The following ZXDC variants were observed in gnomAD, a reference collection of about 807,000 sequenced individuals.
ZXDC encodes the protein ZXD family zinc finger C.
A neutral mutation model predicts 63.6 loss-of-function variants in ZXDC; 58 were observed. The observed-to-expected ratio is 0.91, with a 90% confidence interval of 0.74 to 1.13. ZXDC has a LOEUF of 1.13. Ranked by LOEUF, ZXDC falls within the 50% of genes most tolerant of loss-of-function variation. The pLI is 0.00. For synonymous variants in ZXDC, 561 were observed against 496.1 expected, an observed-to-expected ratio of 1.13 and a Z score of -1.74; for missense variants, 1,133 against 1,148.9, an observed-to-expected ratio of 0.99 and a Z score of 0.20.
chr3:126,455,021 C>G, intron 7 of ZXDC: 1 of 985,430 alleles, frequency 1.0e-6, no homozygotes, highest in South Asian at 4.7e-5. Flanking sequence ...TGCACAACAG[C>G]GAAGTCTTGA....
Position 126,441,942 on chromosome 3 carries a change from G to T in ZXDC, c.2217C>A (p.Ala739=), listed in dbSNP as rs760990765. 5.0e-6 allele frequency: 8 copies of T among 1,595,036 alleles called. No individual in the cohort carries two copies. In the South Asian group the frequency reaches 9.0e-5, roughly 18 times the overall value. The change falls in exon 8 of 10, where the codon GCC becomes GCA. Residue 739 remains alanine (A), a synonymous_variant. Coordinates refer to ENST00000389709, the MANE Select transcript of ZXDC (RefSeq NM_025112.5). ...TTATTTTTCTCTGAGTAGACTGTGA[G>T]GCTCCTAAAATGAAATATAAAAACG... ...KQRGAGSNAG[A]SQSTQRKIKE...
intron 7 of ZXDC, among the ~76,000 whole-genome samples, chr3:126,456,729 A>G (rs982391682): frequency 2.0e-5 from 3 of 152,212 alleles, no homozygotes; most frequent in Admixed American, 2.0e-4. Flanking sequence ...AGGACCCCCA[A>G]GCTTGCAGTT....
At chr3:126,466,413 C>G (rs1934768441) in intron 4 of ZXDC, 88 bp from the exon 5 acceptor site, 2 of 1,490,490 alleles carry the variant, frequency 1.3e-6, no homozygotes, top group Non-Finnish European at 1.8e-6. Context: ...TCAGAACCAC[C>G]AGACCTGCAT....
intron 4 of ZXDC, among the ~76,000 whole-genome samples, chr3:126,467,906 T>C (rs771738266): frequency 7.2e-5 from 11 of 152,228 alleles, no homozygotes; most frequent in Admixed American, 6.5e-5. Context: ...TTGCACACTC[T>C]TGCCAGCACT....
Position 126,475,695 on chromosome 3 carries a change from C to G in ZXDC, c.171G>C (p.Glu57Asp), listed in dbSNP as rs780052221. 3.1e-6 allele frequency: 4 copies of G among 1,306,738 alleles called. No individual in the cohort carries two copies. The highest frequency in any genetic ancestry group is 1.9e-5 in the South Asian group (1 of 52,404). The allele number at this position is 1,306,738 out of a possible 1,614,324, so 80.9% of individuals were successfully genotyped here. ...EDGGPGARPG[E>D]ASGPSPPPAE... is the part of the protein sequence containing the mutation. ...CGGGCGGCGGGCTTGGCCCGGAGGC[C>G]TCCCCGGGCCGCGCCCCGGGCCCGC... Residue 57 changes from glutamate to aspartate, a missense_variant, in exon 1 of 10, where the codon GAG becomes GAC. Physicochemically the swap from Glu to Asp is conservative, Grantham distance 45. Transcript: ENST00000389709.
chr3:126,438,590 G>T, intron 9 of ZXDC, 129 bp from the exon 10 acceptor site: 1 of 724,960 alleles, frequency 1.4e-6, no homozygotes. Flanking sequence ...AAAACTACAG[G>T]CTCCCCTTAT....
rs547554890 is a variant in ZXDC, at chr3:126,466,163, C to T, written c.1433G>A (p.Arg478Gln). ...CCGTGGAAAGTGCAGACCTTGGCGC[C>T]GGCTGTGCTGTCTGACCATGTGCGC... Reference protein sequence around the residue: ...MKAHMVRQHSRRQDLLPQLEA... With the variant: ...MKAHMVRQHSQRQDLLPQLEA... Residue 478 changes from arginine to glutamine, a missense_variant, in exon 5 of 10, where the codon CGG becomes CAG. Physicochemically the swap from Arg to Gln is conservative, Grantham distance 43. Transcript: ENST00000389709. The T allele has an allele frequency of 1.0e-4, 165 of 1,612,978 alleles. 2 individuals carry two copies. In the South Asian group the frequency reaches 1.5e-3, roughly 14 times the overall value.
At chr3:126,444,762 T>C (rs1933818992) in intron 7 of ZXDC, among the ~76,000 whole-genome samples, 1 of 152,180 alleles carries the variant, frequency 6.6e-6, no homozygotes, top group South Asian at 2.1e-4. Flanking sequence ...GCAAGAAATA[T>C]GACTGAATCC....
intron 7 of ZXDC, among the ~76,000 whole-genome samples, chr3:126,449,606 C>T (rs1934016690): frequency 6.6e-6 from 1 of 152,214 alleles, no homozygotes; most frequent in East Asian, 1.9e-4. Context: ...ATCGCTCTGG[C>T]TGTGTGTGGC....
At chr3:126,465,209 C>A (rs1420202041) in intron 5 of ZXDC, among the ~76,000 whole-genome samples, 1 of 152,220 alleles carries the variant, frequency 6.6e-6, no homozygotes, top group Non-Finnish European at 1.5e-5. Context: ...ATCAGCCAGG[C>A]CCGGTGAGGA....
intron 4 of ZXDC, among the ~76,000 whole-genome samples, chr3:126,467,503 C>G (rs1054248304): frequency 6.6e-6 from 1 of 152,116 alleles, no homozygotes; most frequent in Non-Finnish European, 1.5e-5. Flanking sequence ...GGTGGTACTG[C>G]CAGAGCCCAG....
chr3:126,472,448 G>A, intron 1 of ZXDC, 143 bp from the exon 2 acceptor site: 2 of 1,052,478 alleles, frequency 1.9e-6, no homozygotes, highest in Non-Finnish European at 2.6e-6. Context: ...AAAAAGGGAA[G>A]ACCATTAATG....
chr3:126,459,739 T>C lies in ZXDC; in HGVS notation c.2128-2A>G. On this transcript the variant is annotated splice_acceptor_variant, in intron 6 of 9. Transcript: ENST00000389709. LOFTEE classifies it high-confidence loss of function. ...AGTTCTTGCTGAGCCCCCACTTTCC[T>C]GAGACCAAAGAAAAGCATGTCAGTC... The C allele has an allele frequency of 2.5e-6, 4 of 1,614,162 alleles. No homozygotes were observed. Among genetic ancestry groups the C allele is most frequent in the Non-Finnish European group, 2.5e-6 (3 of 1,180,028 alleles).
At chr3:126,457,235 C>T in intron 7 of ZXDC, 2 of 983,302 alleles carry the variant, frequency 2.0e-6, no homozygotes, top group Non-Finnish European at 2.4e-6. Flanking sequence ...ATAAATGCAG[C>T]ATGAGTATGC....
chr3:126,471,348 T>C (rs1934972228), intron 3 of ZXDC, among the ~76,000 whole-genome samples: 2 of 152,194 alleles, frequency 1.3e-5, no homozygotes, highest in Non-Finnish European at 2.9e-5. Flanking sequence ...GAAACCCCAA[T>C]GATCAACAAG....
At chr3:126,464,574 A>C (rs1934681366) in intron 5 of ZXDC, among the ~76,000 whole-genome samples, 1 of 152,182 alleles carries the variant, frequency 6.6e-6, no homozygotes, top group African/African-American at 2.4e-5. Flanking sequence ...TGGGATACAT[A>C]GGTTGCTACA....
chr3:126,459,610 C>T (rs1934440128), intron 7 of ZXDC, 43 bp downstream of exon 7: 1 of 1,613,314 alleles, frequency 6.2e-7, no homozygotes, highest in East Asian at 2.2e-5. Flanking sequence ...GACAGAGAAC[C>T]CTCAGGCCCT....
chr3:126,471,850 CA>C (rs1934992494), intron 3 of ZXDC, 122 bp downstream of exon 3: 2 of 776,672 alleles, frequency 2.6e-6, no homozygotes, highest in East Asian at 3.0e-5. Context: ...TCCAAATCAT[CA>C]ACACTGAGCT....
At chr3:126,460,423 G>T in intron 6 of ZXDC, 11 of 969,950 alleles carry the variant, frequency 1.1e-5, no homozygotes, top group Non-Finnish European at 1.3e-5. Flanking sequence ...AAGCGAGGTA[G>T]CCCAACGTCA....
Sources: gnomAD v4.1 joint callset for allele counts (sites outside exome capture counted in the v4.1 genomes callset) on GRCh38, gnomAD v4.1.1 for gene constraint, MANE v1.5 for transcripts, NCBI Gene and HGNC (gene_info 2026-07-23, HGNC 2026-07-21) for gene names.